The following CACNA1I variants were observed in gnomAD, a reference collection of about 807,000 sequenced individuals.
The protein encoded by CACNA1I is calcium voltage-gated channel subunit alpha1 I.
CACNA1I carries 74 observed loss-of-function variants against 201.6 expected under a neutral mutation model. The ratio of observed to expected loss-of-function variants is 0.37; its 90% confidence interval spans 0.30 to 0.45. The LOEUF is 0.45. CACNA1I is among the 20% of genes least tolerant of loss of function. The pLI is 1.00. For synonymous variants in CACNA1I, 1,431 were observed against 1,345.2 expected (o/e 1.06, Z -1.40); for missense variants, 2,346 against 3,138.1 (o/e 0.75, Z 6.03).
chr22:39,663,976 C>T lies in CACNA1I; in HGVS notation c.3598-115C>T, dbSNP rs531795932. The stretch of plus-strand genomic sequence containing the variant: ...TTGCCTTTGGGGCGGGGAAAGCCTC[C>T]GTGAACTGAGAGGTGGCAGCCTCTC... On this transcript the variant is annotated intron_variant, in intron 19 of 36. Transcript: ENST00000402142. 112 of 1,514,438 alleles carry T rather than the reference C, an allele frequency of 7.4e-5. 1 individual carries two copies. The highest frequency in any genetic ancestry group is 2.7e-4 in the South Asian group (24 of 87,364). 93.8% of individuals were successfully genotyped at this position (1,514,438 alleles called of 1,614,324 possible).
chr22:39,594,490 C>G (rs912484674), intron 1 of CACNA1I, among the ~76,000 whole-genome samples: 13 of 152,098 alleles, frequency 8.5e-5, no homozygotes, highest in Non-Finnish European at 1.9e-4. Context: ...GCCCTGGCAG[C>G]GACTGAAATT....
chr22:39,673,165 AGTGGG>A, intron 28 of CACNA1I, 83 bp downstream of exon 28: 1 of 220,326 alleles, frequency 4.5e-6, no homozygotes, highest in Non-Finnish European at 9.2e-6. Flanking sequence ...AACACACAGG[AGTGGG>A]GTGGGGAGGG....
At chr22:39,618,036 C>T (rs1025395096) in intron 3 of CACNA1I, among the ~76,000 whole-genome samples, 2 of 147,832 alleles carry the variant, frequency 1.4e-5, no homozygotes, top group Non-Finnish European at 3.0e-5. Context: ...TGCAGGTGTG[C>T]AGTTGTGTGT....
chr22:39,679,555 C>T (rs1179673881), intron 32 of CACNA1I, 110 bp downstream of exon 32: 25 of 1,064,540 alleles, frequency 2.3e-5, no homozygotes, highest in Non-Finnish European at 3.1e-5. Flanking sequence ...CTTTCTGGGC[C>T]CCACCCTGCT....
intron 2 of CACNA1I, 125 bp downstream of exon 2, chr22:39,598,387 G>A (rs553568574): frequency 5.3e-6 from 3 of 563,262 alleles, no homozygotes; most frequent in African/African-American, 5.2e-5. Flanking sequence ...GCCCCGCCCC[G>A]CTCCGTGCCC....
chr22:39,635,845 G>A (rs919424960), intron 5 of CACNA1I, among the ~76,000 whole-genome samples: 9 of 152,062 alleles, frequency 5.9e-5, no homozygotes, highest in Admixed American at 2.0e-4. Flanking sequence ...CAGCCCACCT[G>A]ACACCTCCTC....
At chr22:39,639,362 A>G (rs1934297753) in intron 5 of CACNA1I, among the ~76,000 whole-genome samples, 1 of 152,172 alleles carries the variant, frequency 6.6e-6, no homozygotes, top group Admixed American at 6.5e-5. Flanking sequence ...ATCTGGTCGA[A>G]CTTTTCCTTT....
intron 11 of CACNA1I, 22 bp downstream of exon 11, chr22:39,658,325 C>A (rs529457971): frequency 2.5e-6 from 4 of 1,609,952 alleles, no homozygotes; most frequent in East Asian, 2.2e-5. Flanking sequence ...CCAACCCACC[C>A]GGCAGCAGAG....
At position 39,682,535 on chromosome 22, in the gene CACNA1I, C is replaced by T. The variant is rs369288352; in HGVS notation, c.5704C>T (p.Leu1902=). 2.5e-6 allele frequency: 4 copies of T among 1,613,660 alleles called. No individual in the cohort carries two copies. In the African/African-American group the frequency reaches 4.0e-5, roughly 16 times the overall value. ...DPPEPMRVGD[L]GECFFPLSST... ...ACCTGAGCCCATGCGTGTGGGAGACCTGGGCGAATGCTTCTTCCCCTTGTC... is the reference window on the plus strand; with the variant it reads ...ACCTGAGCCCATGCGTGTGGGAGACTTGGGCGAATGCTTCTTCCCCTTGTC... The change falls in exon 35 of 37, where the codon CTG becomes TTG. Residue 1902 remains leucine (L), a synonymous_variant. Coordinates refer to ENST00000402142, the MANE Select transcript of CACNA1I (RefSeq NM_021096.4).
chr22:39,603,747 A>G (rs1297074426), intron 3 of CACNA1I, among the ~76,000 whole-genome samples: 1 of 152,254 alleles, frequency 6.6e-6, no homozygotes, highest in Non-Finnish European at 1.5e-5. Context: ...CAGCTCGTTA[A>G]GGAGTAGGGA....
At chr22:39,646,045 C>T (rs1934476727) in intron 7 of CACNA1I, among the ~76,000 whole-genome samples, 1 of 152,140 alleles carries the variant, frequency 6.6e-6, no homozygotes. Context: ...GCAGATGTCC[C>T]AGGCGGATGG....
At chr22:39,586,739 G>C (rs1435415299) in intron 1 of CACNA1I, among the ~76,000 whole-genome samples, 1 of 152,152 alleles carries the variant, frequency 6.6e-6, no homozygotes, top group Non-Finnish European at 1.5e-5. Flanking sequence ...GGGGCAGGCA[G>C]GGGAGACACG....
chr22:39,670,706 C>G, intron 25 of CACNA1I, 97 bp from the exon 26 acceptor site: 2 of 1,203,308 alleles, frequency 1.7e-6, no homozygotes, highest in South Asian at 2.6e-5. Flanking sequence ...TCTTTGCCCC[C>G]TCCCTTTCCT....
intron 10 of CACNA1I, among the ~76,000 whole-genome samples, chr22:39,650,354 T>A (rs1278289560): frequency 6.6e-6 from 1 of 151,860 alleles, no homozygotes; most frequent in African/African-American, 2.4e-5. Context: ...AGTTTTGCTC[T>A]GCTGCCCAGG....
chr22:39,679,097 T>C lies in CACNA1I; in HGVS notation c.5056-10T>C, dbSNP rs1312526647. The C allele has an allele frequency of 1.9e-6, 3 of 1,572,092 alleles. No individual in the cohort carries two copies. Among genetic ancestry groups the C allele is most frequent in the Admixed American group, 1.8e-5 (1 of 57,052 alleles). The stretch of plus-strand genomic sequence containing the variant: ...CCGTCCTCATCCTCACCGCCCTCCC[T>C]GCCACGCAGGACACGCTGCGGGACT... On this transcript the variant is annotated splice_polypyrimidine_tract_variant and intron_variant, in intron 31 of 36. Coordinates refer to ENST00000402142, the MANE Select transcript of CACNA1I (RefSeq NM_021096.4).
In CACNA1I at chr22:39,687,471, TG is replaced by T. The variant is rs1935921874; in HGVS notation, c.*1067del. ...GAGCTGTGGCTGTTCCTGGACACTG[TG>T]CTGTCCCCGTCCTGAGCAACTATGC... On this transcript the variant is annotated 3_prime_UTR_variant, in exon 37 of 37. Coordinates refer to ENST00000402142, the MANE Select transcript of CACNA1I (RefSeq NM_021096.4). 6.6e-6 allele frequency: 1 copy of T among 152,348 alleles called. No homozygotes were observed. The highest frequency in any genetic ancestry group is 1.5e-5 in the Non-Finnish European group (1 of 68,178). 9.4% of individuals were successfully genotyped at this position (152,348 alleles called of 1,614,324 possible).
chr22:39,576,991 G>T (rs564347359), intron 1 of CACNA1I, among the ~76,000 whole-genome samples: 1 of 151,926 alleles, frequency 6.6e-6, no homozygotes, highest in East Asian at 1.9e-4. Flanking sequence ...TCGCACTGTC[G>T]CCCAGGCTGG....
chr22:39,635,032 C>A (rs985178390), intron 5 of CACNA1I, among the ~76,000 whole-genome samples: 1 of 152,006 alleles, frequency 6.6e-6, no homozygotes, highest in Non-Finnish European at 1.5e-5. Flanking sequence ...AAGCAGGGGG[C>A]GAGACATTCC....
At chr22:39,658,404 C>T (rs1206174783) in intron 11 of CACNA1I, 101 bp downstream of exon 11, 2 of 1,091,272 alleles carry the variant, frequency 1.8e-6, no homozygotes, top group African/African-American at 3.1e-5. Flanking sequence ...GCTGTGGAAA[C>T]CCGTTGCACT....
Sources: gnomAD v4.1 joint callset for allele counts (sites outside exome capture counted in the v4.1 genomes callset) on GRCh38, gnomAD v4.1.1 for gene constraint, MANE v1.5 for transcripts, NCBI Gene and HGNC (gene_info 2026-07-23, HGNC 2026-07-21) for gene names.